The following ESRRG variants were observed in gnomAD, a reference collection of about 807,000 sequenced individuals.
The protein encoded by ESRRG is estrogen-related receptor gamma.
A neutral mutation model predicts 44.0 loss-of-function variants in ESRRG; 13 were observed. The ratio of observed to expected loss-of-function variants is 0.30; its 90% confidence interval spans 0.19 to 0.47. The LOEUF (loss-of-function observed/expected upper bound fraction) is 0.47, where lower values mean the gene tolerates loss of function less well. Among genes scored for constraint, ESRRG ranks in the 20% least tolerant of loss-of-function variants. The pLI, the probability that ESRRG is intolerant of heterozygous loss-of-function variation, is 1.00. For missense variants in ESRRG, 395 were observed against 580.6 expected, an observed-to-expected ratio of 0.68 and a Z score of 3.29; for synonymous variants, 215 against 214.6, an observed-to-expected ratio of 1.00 and a Z score of -0.02.
intron 5 of ESRRG, among the ~76,000 whole-genome samples, chr1:216,558,383 C>T (rs907157055): frequency 2.0e-4 from 31 of 151,400 alleles, no homozygotes; most frequent in Non-Finnish European, 1.5e-5. Context: ...ATGGTCCTGC[C>T]CATGTAGAAT....
intron 3 of ESRRG, among the ~76,000 whole-genome samples, chr1:216,637,697 A>T: frequency 6.6e-6 from 1 of 152,184 alleles, no homozygotes; most frequent in East Asian, 1.9e-4. Context: ...AATAAGTCTT[A>T]GTTGTTATCT....
chr1:217,074,097 G>T (rs1017046979), intron 1 of ESRRG, among the ~76,000 whole-genome samples: 1 of 150,274 alleles, frequency 6.7e-6, no homozygotes, highest in South Asian at 2.1e-4. Context: ...GCCCGGGCTG[G>T]TGTGCAATGG....
chr1:216,597,419 G>A (rs2058599111), intron 3 of ESRRG, among the ~76,000 whole-genome samples: 1 of 152,198 alleles, frequency 6.6e-6, no homozygotes, highest in Admixed American at 6.5e-5. Context: ...GAAGGTGTCT[G>A]TGCATGAAGA....
intron 2 of ESRRG, among the ~76,000 whole-genome samples, chr1:216,667,742 T>C (rs1389233133): frequency 6.7e-6 from 1 of 148,790 alleles, no homozygotes; most frequent in Non-Finnish European, 1.5e-5. Context: ...ATGAAAAAGC[T>C]TATCCCTTTA....
chr1:216,569,744 T>C (rs1383761310), intron 3 of ESRRG, among the ~76,000 whole-genome samples: 1 of 152,238 alleles, frequency 6.6e-6, no homozygotes, highest in Non-Finnish European at 1.5e-5. Flanking sequence ...ATGTAATTCG[T>C]TGTACATATT....
chr1:216,812,448 G>T (rs116191365), intron 2 of ESRRG, among the ~76,000 whole-genome samples: 5 of 152,196 alleles, frequency 3.3e-5, no homozygotes, highest in African/African-American at 1.2e-4. Context: ...TTTCTGCAGA[G>T]CTGTGTGTTC....
intron 2 of ESRRG, among the ~76,000 whole-genome samples, chr1:216,784,685 T>A (rs2094059713): frequency 6.6e-6 from 1 of 152,064 alleles, no homozygotes; most frequent in South Asian, 2.1e-4. Flanking sequence ...CTTAATTTTT[T>A]AAAAATTACT....
At chr1:216,657,508 G>A (rs999942151) in intron 2 of ESRRG, among the ~76,000 whole-genome samples, 1 of 152,080 alleles carries the variant, frequency 6.6e-6, no homozygotes, top group Non-Finnish European at 1.5e-5. Context: ...TTGACATGAA[G>A]CCCGATGATT....
intron 2 of ESRRG, among the ~76,000 whole-genome samples, chr1:216,779,213 A>T (rs1166309528): frequency 1.3e-4 from 9 of 66,688 alleles, no homozygotes; most frequent in African/African-American, 4.0e-4. Flanking sequence ...AAATATAAAT[A>T]TATATTTATA....
intron 1 of ESRRG, among the ~76,000 whole-genome samples, chr1:217,061,806 A>G (rs1352688819): frequency 1.3e-5 from 2 of 152,180 alleles, no homozygotes; most frequent in African/African-American, 2.4e-5. Flanking sequence ...AACCTAGAGT[A>G]AATCCTTAAT....
chr1:216,946,572 A>G (rs1242934253), intron 1 of ESRRG, among the ~76,000 whole-genome samples: 2 of 152,174 alleles, frequency 1.3e-5, no homozygotes, highest in Non-Finnish European at 2.9e-5. Context: ...GTAATAGTGA[A>G]AATTTCCAAA....
chr1:216,679,815 G>A (rs2076743660), intron 1 of ESRRG, among the ~76,000 whole-genome samples: 1 of 151,610 alleles, frequency 6.6e-6, no homozygotes, highest in African/African-American at 2.4e-5. Flanking sequence ...TTGATTTAAA[G>A]AACAAGGCCA....
intron 2 of ESRRG, among the ~76,000 whole-genome samples, chr1:216,728,781 T>C (rs2088094167): frequency 6.6e-6 from 1 of 151,984 alleles, no homozygotes; most frequent in Admixed American, 6.6e-5. Flanking sequence ...TTGTCCGAAT[T>C]TTCAAAGGAC....
intron 1 of ESRRG, among the ~76,000 whole-genome samples, chr1:217,073,049 C>T (rs957997191): frequency 1.3e-5 from 2 of 151,850 alleles, no homozygotes; most frequent in Non-Finnish European, 2.9e-5. Context: ...ACTGGAGCAT[C>T]AGACAAGGGT....
Position 216,513,845 on chromosome 1 carries a change from G to T in ESRRG, c.1132+5307C>A, listed in dbSNP as rs529465926. On this transcript the variant is annotated intron_variant, in intron 6 of 6. Transcript: ENST00000408911. ...GTCATAAAGACAATTATAGTATACT[G>T]GGTAAGTGAATGTTGATATCAATTT... Among the ~76,000 whole-genome samples, 7 of 152,196 alleles carry T rather than the reference G, an allele frequency of 4.6e-5. No homozygotes were observed. The South Asian group carries it at 1.2e-3, about 27-fold the overall frequency.
Position 217,054,751 on chromosome 1 carries a change from T to C in ESRRG, c.-106+34756A>G, listed in dbSNP as rs1580163586. ...TTAGCAAATGAAGAGACATAGGAGG[T>C]GAAGAAAGGTCAAAAAAAAAACACA... On this transcript the variant is annotated intron_variant, in intron 1 of 7. Transcript: ENST00000359162. Among the ~76,000 whole-genome samples, 4 of 150,828 alleles carry C rather than the reference T, an allele frequency of 2.7e-5. No homozygotes were observed. In the South Asian group the frequency reaches 8.4e-4, roughly 31 times the overall value.
rs556883643 is a variant in ESRRG, at chr1:217,135,506, G to A, written c.-230+2161C>T. On this transcript the variant is annotated intron_variant, in intron 1 of 8. Coordinates refer to the ESRRG transcript ENST00000366940. The stretch of plus-strand genomic sequence containing the variant: ...TTGAAGGGGCAGAGGCGGAGGCCAA[G>A]GACTGAGCAAGGGGCGCGCGCGCGG... Among the ~76,000 whole-genome samples, 10 of 151,932 alleles carry A rather than the reference G, an allele frequency of 6.6e-5. No individual in the cohort carries two copies. In the South Asian group the frequency reaches 2.1e-3, roughly 31 times the overall value.
intron 2 of ESRRG, among the ~76,000 whole-genome samples, chr1:216,849,178 T>C (rs998034992): frequency 6.6e-6 from 1 of 152,208 alleles, no homozygotes; most frequent in African/African-American, 2.4e-5. Context: ...AATATTTACA[T>C]TGTTCACTTC....
intron 1 of ESRRG, among the ~76,000 whole-genome samples, chr1:217,080,979 A>G (rs575743696): frequency 6.6e-6 from 1 of 151,708 alleles, no homozygotes; most frequent in South Asian, 2.1e-4. Flanking sequence ...GCCTGACCCC[A>G]GTTTCTAGGT....
Sources: gnomAD v4.1 joint callset for allele counts (sites outside exome capture counted in the v4.1 genomes callset) on GRCh38, gnomAD v4.1.1 for gene constraint, MANE v1.5 for transcripts, NCBI Gene and HGNC (gene_info 2026-07-23, HGNC 2026-07-21) for gene names.